Variants in SERPINA11 observed in about 807,000 individuals in gnomAD.
SERPINA11 encodes the protein serpin A11.
A neutral mutation model predicts 29.4 loss-of-function variants in SERPINA11; 28 were observed. That is an observed-to-expected ratio of 0.95 (90% CI 0.70 to 1.30). The LOEUF is 1.30. Ranked by LOEUF, SERPINA11 falls within the 50% of genes most tolerant of loss-of-function variation. The pLI, the probability that SERPINA11 is intolerant of heterozygous loss-of-function variation, is 0.00. For missense variants in SERPINA11, 530 were observed against 507.3 expected, an observed-to-expected ratio of 1.04 and a Z score of -0.43; for synonymous variants, 253 against 206.6, an observed-to-expected ratio of 1.22 and a Z score of -1.92.
At chr14:94,451,709 T>A (rs1162635262) in intron 1 of SERPINA11, among the ~76,000 whole-genome samples, 2 of 152,220 alleles carry the variant, frequency 1.3e-5, no homozygotes, top group African/African-American at 4.8e-5. Context: ...TGAAACTCAG[T>A]GTCTCCCTTT....
At position 94,448,792 on chromosome 14, in the gene SERPINA11, G is replaced by A. The variant is rs1264094089; in HGVS notation, c.-3-15C>T. 6.7e-6 allele frequency: 10 copies of A among 1,502,730 alleles called. No homozygotes were observed. The highest frequency in any genetic ancestry group is 1.4e-5 in the African/African-American group (1 of 71,474). The allele number at this position is 1,502,730 out of a possible 1,614,324, so 93.1% of individuals were successfully genotyped here. On this transcript the variant is annotated splice_polypyrimidine_tract_variant and intron_variant, in intron 1 of 4. Coordinates refer to ENST00000334708, the MANE Select transcript of SERPINA11 (RefSeq NM_001080451.2). ...GGACCCATTCTCTGAAAACAAGAGG[G>A]TGAACATGTCACTTTTCTCCATAAA... is the stretch of plus-strand genomic sequence containing the variant.
chr14:94,446,532 G>A lies in SERPINA11; in HGVS notation c.716C>T (p.Ser239Phe). The A allele has an allele frequency of 2.5e-6, 4 of 1,614,066 alleles. No individual in the cohort carries two copies. The highest frequency in any genetic ancestry group is 3.4e-6 in the Non-Finnish European group (4 of 1,179,898). ...TTGGTGCATCATGGGGACCTGGAGAGAAGTCCTCTCATCCACAAAGAAACT... is the reference window on the plus strand; with the variant it reads ...TTGGTGCATCATGGGGACCTGGAGAAAAGTCCTCTCATCCACAAAGAAACT... ...QESFFVDERT[S>F]LQVPMMHQKE... Residue 239 changes from serine to phenylalanine, a missense_variant, in exon 3 of 5, where the codon TCT becomes TTT. Ser to Phe is a radical substitution (Grantham distance 155). Transcript: ENST00000334708.
At position 94,443,310 on chromosome 14, in the gene SERPINA11, GGA is replaced by G. The variant is rs1222945319; in HGVS notation, c.918-87_918-86del. ...CTGTCTGTCGGCAGCCTGAGCCATG[GGA>G]GAGAGGCATTTCCCAGCGTGAGAAG... On this transcript the variant is annotated intron_variant, in intron 3 of 4. Transcript: ENST00000334708. 4 of 1,361,264 alleles carry G rather than the reference GGA, an allele frequency of 2.9e-6. No individual in the cohort carries two copies. In the African/African-American group the frequency reaches 5.9e-5, roughly 20 times the overall value. The allele number at this position is 1,361,264 out of a possible 1,614,324, so 84.3% of individuals were successfully genotyped here. A position where few individuals can be genotyped will look rare whatever the true frequency, so the allele number is the denominator to read the frequency against.
chr14:94,449,422 T>C (rs1898526236), intron 1 of SERPINA11, among the ~76,000 whole-genome samples: 2 of 82,640 alleles, frequency 2.4e-5, no homozygotes, highest in African/African-American at 7.5e-5. Context: ...TCTTTCTTTC[T>C]TTCTTTCTTT....
chr14:94,449,489 C>CTTTCTTTCTTTCTTTCTTTCT (rs1443574592), intron 1 of SERPINA11, among the ~76,000 whole-genome samples: 1 of 93,016 alleles, frequency 1.1e-5, no homozygotes, highest in African/African-American at 5.5e-5. Flanking sequence ...TTCTGTCTGT[C>CTTTCTTTCTTTCTTTCTTTCT]TGTCTTTCTT....
intron 1 of SERPINA11, among the ~76,000 whole-genome samples, chr14:94,451,046 T>C (rs886598956): frequency 6.6e-6 from 1 of 152,216 alleles, no homozygotes; most frequent in African/African-American, 2.4e-5. Context: ...TGTGCACTGC[T>C]GACCACCTCT....
chr14:94,442,763 G>GA lies in SERPINA11; in HGVS notation c.1111_1112insT (p.Ala371ValfsTer?). On this transcript the variant is annotated frameshift_variant, in exon 5 of 5. Coordinates refer to ENST00000334708, the MANE Select transcript of SERPINA11 (RefSeq NM_001080451.2). LOFTEE classifies it low-confidence loss of function (END_TRUNC). ...GGAGAGGAGGCCTGAAGCAGCCCCG[G>GA]CCTCGGTCCCCTTCTCACTCATGTC... is the stretch of plus-strand genomic sequence containing the variant. 1 of 1,612,978 alleles carries GA rather than the reference G, an allele frequency of 6.2e-7. No homozygotes were observed. The highest frequency in any genetic ancestry group is 8.5e-7 in the Non-Finnish European group (1 of 1,179,722).
At chr14:94,449,487 G>T (rs5810682) in intron 1 of SERPINA11, among the ~76,000 whole-genome samples, 16,194 of 81,070 alleles carry the variant, frequency 0.2, 3,171 homozygotes, top group African/African-American at 0.47. Flanking sequence ...CTTTCTGTCT[G>T]TCTGTCTTTC....
At position 94,447,987 on chromosome 14, in the gene SERPINA11, A is replaced by G. The variant is rs1202006782; in HGVS notation, c.643+145T>C. The G allele has an allele frequency of 6.4e-6, 5 of 776,044 alleles. No individual in the cohort carries two copies. The Admixed American group carries it at 9.6e-5, about 15-fold the overall frequency. 48.1% of individuals were successfully genotyped at this position (776,044 alleles called of 1,614,324 possible). A position where few individuals can be genotyped will look rare whatever the true frequency, so the allele number is the denominator to read the frequency against. ...CTGCACTTATTTCCAACCCACATGG[A>G]CTGTGGCTACGCAAGGGTGGGAAAG... is the stretch of plus-strand genomic sequence containing the variant. On this transcript the variant is annotated intron_variant, in intron 2 of 4. Transcript: ENST00000334708.
At chr14:94,452,162 T>C (rs1319345351) in intron 1 of SERPINA11, among the ~76,000 whole-genome samples, 1 of 152,210 alleles carries the variant, frequency 6.6e-6, no homozygotes, top group Non-Finnish European at 1.5e-5. Flanking sequence ...AGAGTGGTCC[T>C]GCCCAAATAC....
chr14:94,451,823 C>T (rs1428809404), intron 1 of SERPINA11, among the ~76,000 whole-genome samples: 1 of 152,200 alleles, frequency 6.6e-6, no homozygotes, highest in Non-Finnish European at 1.5e-5. Context: ...TACTCAATGG[C>T]AGTTTTTTTC....
chr14:94,450,058 G>A (rs556130830), intron 1 of SERPINA11, among the ~76,000 whole-genome samples: 3 of 152,268 alleles, frequency 2.0e-5, no homozygotes, highest in African/African-American at 7.2e-5. Flanking sequence ...AAAGTAGCAG[G>A]ACTGATGGAG....
At chr14:94,444,006 G>A (rs1461392289) in intron 3 of SERPINA11, among the ~76,000 whole-genome samples, 2 of 152,192 alleles carry the variant, frequency 1.3e-5, no homozygotes, top group Non-Finnish European at 2.9e-5. Context: ...GAACACTTCT[G>A]CCTCAGAAAA....
chr14:94,451,252 G>A (rs1474589182), intron 1 of SERPINA11, among the ~76,000 whole-genome samples: 14 of 152,218 alleles, frequency 9.2e-5, no homozygotes, highest in Non-Finnish European at 5.9e-5. Flanking sequence ...GGTGTCAGGA[G>A]GGACGAATGT....
Position 94,448,519 on chromosome 14 carries a change from G to C in SERPINA11, c.256C>G (p.Leu86Val). ...TTAGCTTGGGCCCCAAGAGAGAGCA[G>C]GGCCAGGGTGGTGGAGATGCTCACT... The part of the protein sequence containing the change: ...SPVSISTTLA[L>V]LSLGAQANTS... The change falls in exon 2 of 5, where the codon CTG becomes GTG. Residue 86 changes from leucine (L) to valine (V), a missense_variant. Transcript: ENST00000334708. The C allele has an allele frequency of 6.2e-7, 1 of 1,614,194 alleles. No individual in the cohort carries two copies. Among genetic ancestry groups the C allele is most frequent in the Non-Finnish European group, 8.5e-7 (1 of 1,180,046 alleles).
Position 94,448,568 on chromosome 14 carries a change from G to C in SERPINA11, c.207C>G (p.Ala69=). ...CTGGCGAGAAGAAGATGTTTCCGGGGGCGTCTGCTGCCAGCTCTTTATACA... is the reference window on the plus strand; with the variant it reads ...CTGGCGAGAAGAAGATGTTTCCGGGCGCGTCTGCTGCCAGCTCTTTATACA... ...LRLYKELAAD[A]PGNIFFSPVS... is the part of the protein sequence containing the mutation. Residue 69 remains alanine, a synonymous_variant, in exon 2 of 5, where the codon GCC becomes GCG. Transcript: ENST00000334708. 6.2e-7 allele frequency: 1 copy of C among 1,614,166 alleles called. No homozygotes were observed. The highest frequency in any genetic ancestry group is 8.5e-7 in the Non-Finnish European group (1 of 1,180,040).
At chr14:94,443,323 T>A in intron 3 of SERPINA11, 98 bp from the exon 4 acceptor site, 1 of 1,229,186 alleles carries the variant, frequency 8.1e-7, no homozygotes, top group Non-Finnish European at 1.1e-6. Flanking sequence ...GAGAGGCATT[T>A]CCCAGCGTGA....
At chr14:94,446,232 TAATC>T in intron 3 of SERPINA11, 95 bp downstream of exon 3, 1 of 1,131,830 alleles carries the variant, frequency 8.8e-7, no homozygotes, top group Admixed American at 2.2e-5. Flanking sequence ...ATGGTGAGCC[TAATC>T]GAGATGGATG....
intron 3 of SERPINA11, among the ~76,000 whole-genome samples, chr14:94,444,585 T>C (rs553847552): frequency 2.0e-5 from 3 of 152,250 alleles, no homozygotes; most frequent in Admixed American, 2.0e-4. Context: ...ACTATGGGGC[T>C]GAAATTAGCA....
Sources: allele counts gnomAD v4.1 joint callset (sites outside exome capture counted in the v4.1 genomes callset), GRCh38; gene constraint gnomAD v4.1.1; transcripts MANE v1.5; gene names NCBI Gene and HGNC (gene_info 2026-07-23, HGNC 2026-07-21).